The following KCNJ3 variants were observed in gnomAD, a reference collection of about 807,000 sequenced individuals.
KCNJ3 encodes the protein potassium inwardly rectifying channel subfamily J member 3.
KCNJ3 carries 4 observed loss-of-function variants against 39.2 expected under a neutral mutation model. The observed-to-expected ratio is 0.10, with a 90% CI of 0.05 to 0.23. The LOEUF is 0.23. Among genes scored for constraint, KCNJ3 ranks in the 10% least tolerant of loss-of-function variants. The pLI is 1.00. For synonymous variants in KCNJ3, 230 were observed against 237.4 expected, an observed-to-expected ratio of 0.97 and a Z score of 0.29; for missense variants, 276 against 634.9, an observed-to-expected ratio of 0.43 and a Z score of 6.08.
At chr2:154,722,894 A>T (rs1040154040) in intron 2 of KCNJ3, among the ~76,000 whole-genome samples, 2 of 152,168 alleles carry the variant, frequency 1.3e-5, no homozygotes, top group Non-Finnish European at 2.9e-5. Context: ...AAAGTATGTA[A>T]CATTTAATTT....
intron 2 of KCNJ3, among the ~76,000 whole-genome samples, chr2:154,814,709 A>G (rs1687055300): frequency 6.6e-6 from 1 of 152,168 alleles, no homozygotes; most frequent in Non-Finnish European, 1.5e-5. Context: ...TCAATATATA[A>G]AATTTACAAA....
intron 2 of KCNJ3, among the ~76,000 whole-genome samples, chr2:154,776,012 T>G (rs1686327178): frequency 6.6e-6 from 1 of 151,848 alleles, no homozygotes; most frequent in African/African-American, 2.4e-5. Context: ...ATTCTTTTTT[T>G]TTTTTTGAGA....
chr2:154,768,961 G>A (rs933215031), intron 2 of KCNJ3, among the ~76,000 whole-genome samples: 8 of 152,174 alleles, frequency 5.3e-5, no homozygotes, highest in Non-Finnish European at 1.0e-4. Context: ...GTGAATGGGA[G>A]TTCACTCATG....
intron 2 of KCNJ3, among the ~76,000 whole-genome samples, chr2:154,737,459 C>G (rs961472879): frequency 5.8e-5 from 7 of 121,696 alleles, no homozygotes; most frequent in Admixed American, 1.6e-4. Flanking sequence ...TTTCTGGCAT[C>G]CAATTAAAAG....
Position 154,809,507 on chromosome 2 carries a change from G to A in KCNJ3, c.920-45220G>A, listed in dbSNP as rs1686972233. ...TTGTCTATAAAAGCAATTATCAGAA[G>A]CTCTCATACAAGGCAGAGAATAAGT... On this transcript the variant is annotated intron_variant, in intron 2 of 2. Coordinates refer to ENST00000295101, the MANE Select transcript of KCNJ3 (RefSeq NM_002239.4). Among the ~76,000 whole-genome samples, 12 of 152,270 alleles carry A rather than the reference G, an allele frequency of 7.9e-5. No individual in the cohort carries two copies. In the South Asian group the frequency reaches 2.5e-3, roughly 32 times the overall value.
intron 2 of KCNJ3, among the ~76,000 whole-genome samples, chr2:154,831,321 A>C (rs1376988932): frequency 6.6e-6 from 1 of 152,170 alleles, no homozygotes; most frequent in Non-Finnish European, 1.5e-5. Context: ...AAGAAATGGA[A>C]AAGTCTGTTT....
intron 2 of KCNJ3, among the ~76,000 whole-genome samples, chr2:154,816,699 G>A (rs889666859): frequency 2.6e-5 from 4 of 152,176 alleles, no homozygotes; most frequent in Non-Finnish European, 4.4e-5. Flanking sequence ...ATCAGCAGAT[G>A]TCATAGCAAA....
intron 2 of KCNJ3, among the ~76,000 whole-genome samples, chr2:154,830,864 TTTAC>T (rs929775815): frequency 1.3e-5 from 2 of 152,174 alleles, no homozygotes; most frequent in African/African-American, 4.8e-5. Context: ...CATGATTTAA[TTTAC>T]TATTTTTATC....
rs1198325696 is a variant in KCNJ3, at chr2:154,855,804, CATATATAT to C, written c.*492_*499del. On this transcript the variant is annotated 3_prime_UTR_variant, in exon 3 of 3. Coordinates refer to ENST00000295101, the MANE Select transcript of KCNJ3 (RefSeq NM_002239.4). ...ATACATACACATACATACATACATA[CATATATAT>C]CTGATAAAATTGTGATGTTTTGTTC... 1 of 152,114 alleles carries C rather than the reference CATATATAT, an allele frequency of 6.6e-6. No homozygotes were observed. Among genetic ancestry groups the C allele is most frequent in the African/African-American group, 2.4e-5 (1 of 41,282 alleles). The allele number at this position is 152,114 out of a possible 1,614,324, so 9.4% of individuals were successfully genotyped here.
At chr2:154,845,686 T>G (rs1266954032) in intron 2 of KCNJ3, among the ~76,000 whole-genome samples, 1 of 152,066 alleles carries the variant, frequency 6.6e-6, no homozygotes, top group Non-Finnish European at 1.5e-5. Flanking sequence ...GAAAGTGAAT[T>G]TAGGCCAGGT....
intron 2 of KCNJ3, among the ~76,000 whole-genome samples, chr2:154,790,913 A>T (rs1686617490): frequency 6.6e-6 from 1 of 152,070 alleles, no homozygotes; most frequent in Non-Finnish European, 1.5e-5. Flanking sequence ...GTGATCTTTG[A>T]GTAAGTCAGA....
chr2:154,717,163 CT>C (rs949195709), intron 2 of KCNJ3, among the ~76,000 whole-genome samples: 1 of 152,132 alleles, frequency 6.6e-6, no homozygotes, highest in African/African-American at 2.4e-5. Flanking sequence ...GGAGCTAAGC[CT>C]TCTGGCCAGA....
At chr2:154,830,538 ATC>A (rs1472219404) in intron 2 of KCNJ3, among the ~76,000 whole-genome samples, 1 of 152,194 alleles carries the variant, frequency 6.6e-6, no homozygotes, top group Non-Finnish European at 1.5e-5. Context: ...AATGTATTTA[ATC>A]TTGATTAGTT....
chr2:154,844,934 A>T (rs1687641384), intron 2 of KCNJ3, among the ~76,000 whole-genome samples: 1 of 152,044 alleles, frequency 6.6e-6, no homozygotes, highest in Non-Finnish European at 1.5e-5. Context: ...TGCCTGCTTC[A>T]GCTCGCCCTC....
chr2:154,763,265 G>C (rs979931379), intron 2 of KCNJ3, among the ~76,000 whole-genome samples: 2 of 152,080 alleles, frequency 1.3e-5, no homozygotes, highest in African/African-American at 4.8e-5. Flanking sequence ...CTAATGTGCT[G>C]TCAAGAAGAA....
intron 2 of KCNJ3, among the ~76,000 whole-genome samples, chr2:154,771,282 C>A (rs1415114923): frequency 6.6e-6 from 1 of 152,236 alleles, no homozygotes; most frequent in Admixed American, 6.5e-5. Context: ...CCATGTAAAA[C>A]AGGGCTTTTT....
chr2:154,756,646 GA>G (rs1297915053), intron 2 of KCNJ3, among the ~76,000 whole-genome samples: 1 of 150,296 alleles, frequency 6.7e-6, no homozygotes, highest in Admixed American at 6.6e-5. Flanking sequence ...AGCATTAGGA[GA>G]AATACCTAAT....
intron 2 of KCNJ3, among the ~76,000 whole-genome samples, chr2:154,813,198 C>G (rs1687030713): frequency 6.6e-6 from 1 of 152,096 alleles, no homozygotes; most frequent in African/African-American, 2.4e-5. Context: ...TACTTGCCCT[C>G]TTTAGTAACT....
At chr2:154,778,490 A>G (rs1215839559) in intron 2 of KCNJ3, among the ~76,000 whole-genome samples, 1 of 152,116 alleles carries the variant, frequency 6.6e-6, no homozygotes, top group African/African-American at 2.4e-5. Context: ...TGTGTTCTAC[A>G]ATATCAGTCA....
Sources: allele counts gnomAD v4.1 joint callset (sites outside exome capture counted in the v4.1 genomes callset), GRCh38; gene constraint gnomAD v4.1.1; transcripts MANE v1.5; gene names NCBI Gene and HGNC (gene_info 2026-07-23, HGNC 2026-07-21).